The following EHBP1 variants were observed in gnomAD, a reference collection of about 807,000 sequenced individuals.
EHBP1 encodes EH domain binding protein 1.
In EHBP1, 55 loss-of-function variants were observed where a neutral mutation model predicts 144.0. The ratio of observed to expected loss-of-function variants is 0.38; its 90% CI spans 0.31 to 0.48. The LOEUF is 0.48. Ranked by LOEUF, EHBP1 falls within the 20% of genes least tolerant of loss-of-function variation. The pLI is 0.98. For missense variants in EHBP1, 1,200 were observed against 1,364.2 expected (o/e 0.88, Z 1.90); for synonymous variants, 469 against 472.7 (o/e 0.99, Z 0.10).
chr2:62,777,358 C>T (rs1168155871), intron 5 of EHBP1, among the ~76,000 whole-genome samples: 1 of 151,816 alleles, frequency 6.6e-6, no homozygotes, highest in Admixed American at 6.6e-5. Context: ...ATGAAAGGCA[C>T]CAATCAGATT....
chr2:62,896,328 A>G (rs993954528), intron 10 of EHBP1, among the ~76,000 whole-genome samples: 3 of 152,204 alleles, frequency 2.0e-5, no homozygotes, highest in African/African-American at 7.2e-5. Context: ...GTGATGTTAT[A>G]CAAGTCAGAG....
At chr2:62,943,941 G>A in intron 12 of EHBP1, 91 bp downstream of exon 12, 1 of 910,820 alleles carries the variant, frequency 1.1e-6, no homozygotes, top group Non-Finnish European at 1.7e-6. Context: ...GCAGTTTTAT[G>A]AGGTCATAAC....
intron 5 of EHBP1, among the ~76,000 whole-genome samples, chr2:62,802,276 T>A (rs2044055232): frequency 6.6e-6 from 1 of 152,206 alleles, no homozygotes; most frequent in South Asian, 2.1e-4. Flanking sequence ...GAGAAGTTTT[T>A]GAGAGTCATG....
intron 3 of EHBP1, among the ~76,000 whole-genome samples, chr2:62,757,415 C>CTTTTTTTTTTTTTT (rs869184433): frequency 8.2e-6 from 1 of 121,900 alleles, no homozygotes. Flanking sequence ...TTCTTTCTTT[C>CTTTTTTTTTTTTTT]TTTTTTTTTT....
intron 5 of EHBP1, among the ~76,000 whole-genome samples, chr2:62,808,446 G>A (rs1025075953): frequency 5.9e-5 from 9 of 151,940 alleles, no homozygotes; most frequent in African/African-American, 2.2e-4. Context: ...TTCTGTTATA[G>A]TGTTTTTATG....
At chr2:62,980,689 A>T (rs1043086054) in intron 15 of EHBP1, among the ~76,000 whole-genome samples, 3 of 151,718 alleles carry the variant, frequency 2.0e-5, no homozygotes, top group African/African-American at 7.3e-5. Flanking sequence ...TCTTAGTTAA[A>T]CCCATCTTGC....
chr2:62,870,646 G>A (rs980050417), intron 9 of EHBP1, among the ~76,000 whole-genome samples: 1 of 149,556 alleles, frequency 6.7e-6, no homozygotes, highest in Non-Finnish European at 1.5e-5. Flanking sequence ...AATCTGGGAG[G>A]TGGAGGTTGC....
intron 1 of EHBP1, among the ~76,000 whole-genome samples, chr2:62,692,691 T>C (rs1445159145): frequency 1.3e-5 from 2 of 152,202 alleles, no homozygotes; most frequent in African/African-American, 4.8e-5. Context: ...TTCAGATAAA[T>C]GTCAATTTAA....
At chr2:62,989,524 A>C (rs1050848447) in intron 15 of EHBP1, among the ~76,000 whole-genome samples, 3 of 152,156 alleles carry the variant, frequency 2.0e-5, no homozygotes, top group African/African-American at 7.2e-5. Context: ...TAATCCTAAC[A>C]GGCTTGACTC....
At chr2:63,036,963 G>C (rs756642051) in intron 19 of EHBP1, among the ~76,000 whole-genome samples, 3 of 151,548 alleles carry the variant, frequency 2.0e-5, no homozygotes, top group Non-Finnish European at 4.4e-5. Context: ...ATAGCTGTGG[G>C]TATTTTTTTG....
intron 14 of EHBP1, among the ~76,000 whole-genome samples, chr2:62,956,620 G>A (rs2057710452): frequency 6.6e-6 from 1 of 151,140 alleles, no homozygotes; most frequent in Non-Finnish European, 1.5e-5. Flanking sequence ...GGCTGAGGTG[G>A]GAGGATCACT....
At chr2:62,955,037 A>G (rs1291093015) in intron 13 of EHBP1, among the ~76,000 whole-genome samples, 1 of 151,930 alleles carries the variant, frequency 6.6e-6, no homozygotes, top group African/African-American at 2.4e-5. Flanking sequence ...TTAATGAAAT[A>G]TAATAGCTTT....
intron 5 of EHBP1, among the ~76,000 whole-genome samples, chr2:62,804,988 T>A (rs1199834162): frequency 6.6e-6 from 1 of 152,194 alleles, no homozygotes; most frequent in Non-Finnish European, 1.5e-5. Context: ...GAAAACTGTC[T>A]TCCATGAAAC....
At chr2:62,856,504 ACACT>A (rs1157563116) in intron 7 of EHBP1, among the ~76,000 whole-genome samples, 1 of 152,160 alleles carries the variant, frequency 6.6e-6, no homozygotes, top group Non-Finnish European at 1.5e-5. Context: ...GCTAGACCCC[ACACT>A]CACTCACACT....
At position 62,874,550 on chromosome 2, in the gene EHBP1, G is replaced by A; in HGVS notation, c.1185+18G>A. 6.5e-7 allele frequency: 1 copy of A among 1,531,064 alleles called. No individual in the cohort carries two copies. Among genetic ancestry groups the A allele is most frequent in the Non-Finnish European group, 8.8e-7 (1 of 1,135,502 alleles). 94.8% of individuals were successfully genotyped at this position (1,531,064 alleles called of 1,614,324 possible). ...CTCCTAAGGTAGGATTTTATTCATA[G>A]TAAAACATGTATTAATATTTGCTGT... On this transcript the variant is annotated intron_variant, in intron 10 of 22. Coordinates refer to ENST00000431489, the MANE Select transcript of EHBP1 (RefSeq NM_001142616.3).
At chr2:63,016,620 G>A (rs2153272789) in intron 19 of EHBP1, among the ~76,000 whole-genome samples, 1 of 152,108 alleles carries the variant, frequency 6.6e-6, no homozygotes, top group Admixed American at 6.6e-5. Context: ...TAGTAGAGAT[G>A]GGGTTTCATC....
intron 10 of EHBP1, among the ~76,000 whole-genome samples, chr2:62,916,363 G>A (rs1003791090): frequency 2.6e-5 from 4 of 151,892 alleles, no homozygotes; most frequent in Non-Finnish European, 2.9e-5. Flanking sequence ...AGGCCAAGGC[G>A]GGTAGATCAC....
intron 1 of EHBP1, among the ~76,000 whole-genome samples, chr2:62,677,663 T>C (rs2033352346): frequency 6.6e-6 from 1 of 152,172 alleles, no homozygotes; most frequent in South Asian, 2.1e-4. Context: ...CAGCCTCTGG[T>C]AACCATCCTT....
Position 62,801,183 on chromosome 2 carries a change from A to G in EHBP1, c.313-24904A>G, listed in dbSNP as rs138355621. 4.3e-4 allele frequency among the ~76,000 whole-genome samples: 66 copies of G among 152,302 alleles called. No homozygotes were observed. In the East Asian group the frequency reaches 0.011, roughly 26 times the overall value. On this transcript the variant is annotated intron_variant, in intron 5 of 22. Coordinates refer to ENST00000431489, the MANE Select transcript of EHBP1 (RefSeq NM_001142616.3). ...AACCACTAAGCTATTCATTTTACCA[A>G]TAAACCTCACTTCTGATATTCACTA...
Sources: allele counts gnomAD v4.1 joint callset (sites outside exome capture counted in the v4.1 genomes callset), GRCh38; gene constraint gnomAD v4.1.1; transcripts MANE v1.5; gene names NCBI Gene and HGNC (gene_info 2026-07-23, HGNC 2026-07-21).